Variants in ZEB2 observed in about 807,000 individuals in gnomAD.
ZEB2 encodes zinc finger E-box binding homeobox 2, also known as zinc finger E-box-binding homeobox 2.
ZEB2 carries 6 observed loss-of-function variants against 99.9 expected under a neutral mutation model. The observed-to-expected ratio is 0.06, with a 90% CI of 0.03 to 0.12. ZEB2 has a LOEUF of 0.12. Among genes scored for constraint, ZEB2 ranks in the 10% least tolerant of loss-of-function variants. The pLI is 1.00. For missense variants in ZEB2, 969 were observed against 1,502.8 expected, an observed-to-expected ratio of 0.64 and a Z score of 5.87; for synonymous variants, 517 against 542.5, an observed-to-expected ratio of 0.95 and a Z score of 0.65.
intron 2 of ZEB2, among the ~76,000 whole-genome samples, chr2:144,485,658 C>T (rs1376509146): frequency 6.6e-6 from 1 of 152,148 alleles, no homozygotes; most frequent in East Asian, 1.9e-4. Context: ...CTCACGCTGT[C>T]ACCTGAGCTG....
At chr2:144,392,804 G>A (rs754087744) in intron 9 of ZEB2, among the ~76,000 whole-genome samples, 2 of 152,162 alleles carry the variant, frequency 1.3e-5, no homozygotes, top group Non-Finnish European at 2.9e-5. Flanking sequence ...AATTGATACT[G>A]AGTGAATCAA....
chr2:144,511,080 A>G (rs1018523279), intron 2 of ZEB2, among the ~76,000 whole-genome samples: 4 of 152,050 alleles, frequency 2.6e-5, no homozygotes, highest in African/African-American at 9.7e-5. Flanking sequence ...TTTTTCCCCC[A>G]TTTGCCTCCC....
At chr2:144,396,004 T>C (rs1040398853) in intron 9 of ZEB2, among the ~76,000 whole-genome samples, 2 of 152,112 alleles carry the variant, frequency 1.3e-5, no homozygotes, top group Non-Finnish European at 2.9e-5. Flanking sequence ...TTTCTTGGTG[T>C]TTTGGATGAT....
intron 2 of ZEB2, among the ~76,000 whole-genome samples, chr2:144,449,151 C>T (rs912294328): frequency 2.0e-5 from 3 of 152,158 alleles, no homozygotes; most frequent in Non-Finnish European, 2.9e-5. Context: ...CTGCCCTTGG[C>T]CTGGCCGGCA....
At chr2:144,479,446 C>T (rs184429157) in intron 2 of ZEB2, among the ~76,000 whole-genome samples, 22 of 152,174 alleles carry the variant, frequency 1.4e-4, no homozygotes, top group African/African-American at 5.1e-4. Context: ...AAAGGCTGTG[C>T]GGGTCCTGCC....
intron 4 of ZEB2, among the ~76,000 whole-genome samples, chr2:144,422,096 C>T (rs1331863359): frequency 6.6e-6 from 1 of 152,196 alleles, no homozygotes; most frequent in Non-Finnish European, 1.5e-5. Context: ...TCATCACTGT[C>T]TCCACCTTAG....
intron 2 of ZEB2, chr2:144,512,685 A>G: frequency 1.6e-6 from 2 of 1,287,256 alleles, no homozygotes; most frequent in Non-Finnish European, 2.0e-6. Flanking sequence ...GGACACCAGC[A>G]GCCTACTGGC....
At chr2:144,471,657 C>T (rs1704358100) in intron 2 of ZEB2, among the ~76,000 whole-genome samples, 1 of 152,000 alleles carries the variant, frequency 6.6e-6, no homozygotes. Context: ...TGAGGTAGCC[C>T]AGTGGACTTT....
chr2:144,500,486 C>CA lies in ZEB2; in HGVS notation c.73+16791dup, dbSNP rs542930361. On this transcript the variant is annotated intron_variant, in intron 2 of 9. Coordinates refer to ENST00000627532, the MANE Select transcript of ZEB2 (RefSeq NM_014795.4). ...TACAAATTGATTGATACTGTTCACT[C>CA]ACTGATTGCTGCGGCGTATATTTTG... Among the ~76,000 whole-genome samples, 234 of 152,286 alleles carry CA rather than the reference C, an allele frequency of 1.5e-3. 1 individual carries two copies. The highest frequency in any genetic ancestry group is 5.2e-3 in the African/African-American group (218 of 41,550).
chr2:144,512,417 C>T (rs1366345017), intron 2 of ZEB2: 1 of 1,287,228 alleles, frequency 7.8e-7, no homozygotes, highest in Admixed American at 2.3e-5. Flanking sequence ...GGTAGACATA[C>T]ATTTTTCCCA....
At position 144,513,589 on chromosome 2, in the gene ZEB2, C is replaced by G. The variant is rs1360454499; in HGVS notation, c.73+3689G>C. ...ACGTGCATGTCTCTGTGAGATTTTT[C>G]AGAGGCTGATGCTGGAAGGTGGCGG... On this transcript the variant is annotated intron_variant, in intron 2 of 9. Coordinates refer to ENST00000627532, the MANE Select transcript of ZEB2 (RefSeq NM_014795.4). 2.0e-6 allele frequency: 3 copies of G among 1,528,126 alleles called. No individual in the cohort carries two copies. In the South Asian group the frequency reaches 3.6e-5, roughly 18 times the overall value. The allele number at this position is 1,528,126 out of a possible 1,614,324, so 94.7% of individuals were successfully genotyped here.
At chr2:144,410,358 A>G (rs996479162) in intron 4 of ZEB2, among the ~76,000 whole-genome samples, 3 of 152,202 alleles carry the variant, frequency 2.0e-5, no homozygotes, top group African/African-American at 7.2e-5. Flanking sequence ...AATGTTGCTT[A>G]TTAATGACAC....
chr2:144,511,916 A>T, intron 2 of ZEB2: 1 of 1,287,240 alleles, frequency 7.8e-7, no homozygotes, highest in South Asian at 1.2e-5. Context: ...GCTTATGTTA[A>T]CATCTGCTTT....
intron 2 of ZEB2, among the ~76,000 whole-genome samples, chr2:144,476,814 GGGCA>G (rs2149911882): frequency 6.6e-6 from 1 of 152,248 alleles, no homozygotes; most frequent in South Asian, 2.1e-4. Flanking sequence ...CCTAATGAAT[GGGCA>G]GGCATGGGGG....
At position 144,398,634 on chromosome 2, in the gene ZEB2, G is replaced by C; in HGVS notation, c.2553C>G (p.Ser851=). 1 of 1,614,100 alleles carries C rather than the reference G, an allele frequency of 6.2e-7. No individual in the cohort carries two copies. ...GAGGCTCATCTGAGTTTTCAGATGA[G>C]GAAGAAACACTGTTATGATCTAAAC... ...SISLDHNSVS[S]SSENSDEPLN... Residue 851 remains serine, a synonymous_variant, in exon 8 of 10, where the codon TCC becomes TCG. Coordinates refer to ENST00000627532, the MANE Select transcript of ZEB2 (RefSeq NM_014795.4).
intron 2 of ZEB2, 23 bp downstream of exon 2, chr2:144,517,255 G>A: frequency 6.2e-7 from 1 of 1,613,228 alleles, no homozygotes; most frequent in Non-Finnish European, 8.5e-7. Context: ...GCCCGGAAAA[G>A]TTTGGTTCGG....
At chr2:144,481,510 C>T (rs1704510887) in intron 2 of ZEB2, among the ~76,000 whole-genome samples, 2 of 152,120 alleles carry the variant, frequency 1.3e-5, no homozygotes, top group African/African-American at 4.8e-5. Context: ...AATTCTAGAG[C>T]CCCAAGGGGT....
chr2:144,511,466 A>C, intron 2 of ZEB2: 1 of 1,269,858 alleles, frequency 7.9e-7, no homozygotes, highest in South Asian at 1.3e-5. Context: ...CATGACTGTC[A>C]CACAAGATAA....
At chr2:144,424,385 A>G (rs755656667) in intron 4 of ZEB2, 1 of 519,706 alleles carries the variant, frequency 1.9e-6, no homozygotes, top group African/African-American at 1.9e-5. Context: ...TGAAAAAAAA[A>G]TTTTACAGTC....
Sources: allele counts gnomAD v4.1 joint callset (sites outside exome capture counted in the v4.1 genomes callset), GRCh38; gene constraint gnomAD v4.1.1; transcripts MANE v1.5; gene names NCBI Gene and HGNC (gene_info 2026-07-23, HGNC 2026-07-21).